Variants in GRM8 observed in about 807,000 individuals in gnomAD.
GRM8 encodes metabotropic glutamate receptor 8.
GRM8 carries 47 observed loss-of-function variants against 87.2 expected under a neutral mutation model. The ratio of observed to expected loss-of-function variants is 0.54; its 90% CI spans 0.43 to 0.69. GRM8 has a LOEUF of 0.69. Among genes scored for constraint, GRM8 ranks in the 30% least tolerant of loss-of-function variants. The probability of loss-of-function intolerance (pLI) is 0.00; values close to 1 mark genes in which losing one functional copy is unlikely to be tolerated. For synonymous variants in GRM8, 396 were observed against 404.5 expected (o/e 0.98, Z 0.25); for missense variants, 1,019 against 1,139.2 (o/e 0.89, Z 1.52).
At chr7:126,677,609 T>A (rs2151323274) in intron 7 of GRM8, among the ~76,000 whole-genome samples, 1 of 152,164 alleles carries the variant, frequency 6.6e-6, no homozygotes, top group African/African-American at 2.4e-5. Context: ...GAAAACCAAA[T>A]ACCACGTGTT....
At chr7:126,864,486 G>A (rs1467956802) in intron 6 of GRM8, among the ~76,000 whole-genome samples, 1 of 151,832 alleles carries the variant, frequency 6.6e-6, no homozygotes, top group Non-Finnish European at 1.5e-5. Context: ...CTGGTCCATT[G>A]TTTGTCCAAT....
chr7:126,577,012 T>C (rs544447664), intron 8 of GRM8, among the ~76,000 whole-genome samples: 4 of 152,290 alleles, frequency 2.6e-5, no homozygotes, highest in African/African-American at 9.6e-5. Context: ...ACCAACCCAA[T>C]GGCTCCAAAG....
chr7:126,464,151 T>C (rs1310786290), intron 9 of GRM8, among the ~76,000 whole-genome samples: 4 of 151,656 alleles, frequency 2.6e-5, no homozygotes, highest in Non-Finnish European at 5.9e-5. Context: ...TTACATATTA[T>C]GGATACAAGT....
chr7:127,094,830 A>G (rs1327260845), intron 3 of GRM8, among the ~76,000 whole-genome samples: 3 of 152,254 alleles, frequency 2.0e-5, no homozygotes, highest in African/African-American at 7.2e-5. Flanking sequence ...GCCCTTTTCA[A>G]GCATTTGTAC....
At chr7:126,506,423 C>T (rs1810472640) in intron 9 of GRM8, among the ~76,000 whole-genome samples, 1 of 152,080 alleles carries the variant, frequency 6.6e-6, no homozygotes, top group Non-Finnish European at 1.5e-5. Context: ...ATTCTGACTG[C>T]AAACTTCCAG....
At chr7:127,217,660 C>G (rs1028907379) in intron 2 of GRM8, among the ~76,000 whole-genome samples, 1 of 152,200 alleles carries the variant, frequency 6.6e-6, no homozygotes, top group Admixed American at 6.5e-5. Flanking sequence ...TCGTAGGTCT[C>G]TCATATCCCT....
At chr7:127,178,915 T>C (rs1366972628) in intron 2 of GRM8, among the ~76,000 whole-genome samples, 1 of 151,872 alleles carries the variant, frequency 6.6e-6, no homozygotes, top group Non-Finnish European at 1.5e-5. Flanking sequence ...ACAGGACCTA[T>C]AAAACAAAAA....
chr7:127,084,842 C>A (rs1167292312), intron 3 of GRM8: 2 of 152,142 alleles, frequency 1.3e-5, no homozygotes, highest in African/African-American at 2.4e-5. Flanking sequence ...ACTTTAAGTT[C>A]TAGGGTACAT....
chr7:126,446,573 T>C (rs529094514), intron 9 of GRM8, among the ~76,000 whole-genome samples: 2 of 152,052 alleles, frequency 1.3e-5, no homozygotes, highest in African/African-American at 2.4e-5. Context: ...TATTTTTTTA[T>C]TGAACCCAAT....
intron 7 of GRM8, among the ~76,000 whole-genome samples, chr7:126,634,733 T>C (rs985797448): frequency 3.3e-5 from 5 of 152,156 alleles, no homozygotes; most frequent in Admixed American, 2.6e-4. Flanking sequence ...TGATTACTAA[T>C]ATTATCAAAT....
chr7:126,873,489 T>C (rs1335516622), intron 6 of GRM8, among the ~76,000 whole-genome samples: 1 of 152,064 alleles, frequency 6.6e-6, no homozygotes, highest in Non-Finnish European at 1.5e-5. Flanking sequence ...TATTAATTCC[T>C]GCCTGTGTAA....
chr7:127,237,242 T>C (rs1159916811), intron 2 of GRM8, among the ~76,000 whole-genome samples: 1 of 152,122 alleles, frequency 6.6e-6, no homozygotes, highest in African/African-American at 2.4e-5. Context: ...TACCAAAGAG[T>C]TGACTGAAGA....
chr7:127,100,020 ACAAG>A (rs1825074652), intron 3 of GRM8, among the ~76,000 whole-genome samples: 1 of 152,160 alleles, frequency 6.6e-6, no homozygotes, highest in Non-Finnish European at 1.5e-5. Context: ...TGATGCATCT[ACAAG>A]CCAAGGAATA....
At chr7:126,733,327 A>T (rs1384816884) in intron 7 of GRM8, among the ~76,000 whole-genome samples, 1 of 151,292 alleles carries the variant, frequency 6.6e-6, no homozygotes, top group Non-Finnish European at 1.5e-5. Context: ...ACTTTGTGAA[A>T]GTATTTGTTT....
intron 9 of GRM8, chr7:126,465,137 G>T (rs761214219): frequency 1.3e-5 from 2 of 151,654 alleles, no homozygotes; most frequent in East Asian, 3.9e-4. Context: ...ATATGACGGG[G>T]TCTGTTTCTC....
At chr7:126,963,923 A>C (rs1292995868) in intron 3 of GRM8, among the ~76,000 whole-genome samples, 2 of 152,214 alleles carry the variant, frequency 1.3e-5, no homozygotes, top group African/African-American at 4.8e-5. Context: ...CTATACTACA[A>C]GGATACAGGA....
rs1182153411 is a variant in GRM8, at chr7:126,895,198, G to T, written c.1156+7344C>A. Among the ~76,000 whole-genome samples, 3 of 151,996 alleles carry T rather than the reference G, an allele frequency of 2.0e-5. No homozygotes were observed. The East Asian group carries it at 5.8e-4, about 29-fold the overall frequency. On this transcript the variant is annotated intron_variant, in intron 6 of 10. Transcript: ENST00000339582. The stretch of plus-strand genomic sequence containing the variant: ...ATACATACTCAAGTAAGTATATAAA[G>T]CTGGCTACTGATTGCATGTTTTTGC...
intron 6 of GRM8, among the ~76,000 whole-genome samples, chr7:126,856,807 T>C (rs1235535814): frequency 6.6e-6 from 1 of 152,222 alleles, no homozygotes; most frequent in Non-Finnish European, 1.5e-5. Flanking sequence ...TTATGGGGAA[T>C]ACCCATCAAA....
chr7:127,085,712 G>A (rs888671743), intron 3 of GRM8, among the ~76,000 whole-genome samples: 3 of 152,174 alleles, frequency 2.0e-5, no homozygotes, highest in Non-Finnish European at 2.9e-5. Context: ...TTAGCCCTTT[G>A]TCAGATGGGT....
Sources: gnomAD v4.1 joint callset for allele counts (sites outside exome capture counted in the v4.1 genomes callset) on GRCh38, gnomAD v4.1.1 for gene constraint, MANE v1.5 for transcripts, NCBI Gene and HGNC (gene_info 2026-07-23, HGNC 2026-07-21) for gene names.